The following MRPS21 variants were observed in gnomAD, a reference collection of about 807,000 sequenced individuals.
The protein encoded by MRPS21 is small ribosomal subunit protein bS21m.
In MRPS21, 8 loss-of-function variants were observed where a neutral mutation model predicts 9.9. That is an observed-to-expected ratio of 0.81 (90% CI 0.47 to 1.45). The LOEUF (loss-of-function observed/expected upper bound fraction) is 1.45. Among genes scored for constraint, MRPS21 ranks in the 40% most tolerant of loss-of-function variants. MRPS21 has a pLI of 0.00. For missense variants in MRPS21, 101 were observed against 118.9 expected, an observed-to-expected ratio of 0.85 and a Z score of 0.70; for synonymous variants, 40 against 40.3, an observed-to-expected ratio of 0.99 and a Z score of 0.03.
chr1:150,294,664 C>T (rs587682364), intron 2 of MRPS21, among the ~76,000 whole-genome samples: 16 of 151,920 alleles, frequency 1.1e-4, no homozygotes, highest in Admixed American at 8.5e-4. Flanking sequence ...TTTGGGAGGC[C>T]GAGGCGGGTG....
chr1:150,304,457 T>A (rs748832540), intron 2 of MRPS21, among the ~76,000 whole-genome samples: 66 of 152,152 alleles, frequency 4.3e-4, no homozygotes, highest in East Asian at 7.8e-4. Flanking sequence ...TGTGGTGTTC[T>A]TTGAAATAGG....
At chr1:150,296,053 T>C (rs1553856521) in intron 2 of MRPS21, among the ~76,000 whole-genome samples, 1 of 151,702 alleles carries the variant, frequency 6.6e-6, no homozygotes, top group Non-Finnish European at 1.5e-5. Flanking sequence ...CTGGGTTCAA[T>C]TGACTCTTCT....
intron 2 of MRPS21, among the ~76,000 whole-genome samples, chr1:150,306,747 G>A (rs1215752003): frequency 6.6e-6 from 1 of 152,046 alleles, no homozygotes; most frequent in Non-Finnish European, 1.5e-5. Context: ...CGCCCACCTC[G>A]GCCTCCCACA....
intron 2 of MRPS21, among the ~76,000 whole-genome samples, chr1:150,305,542 T>A (rs1460518298): frequency 6.6e-6 from 1 of 152,130 alleles, no homozygotes; most frequent in Non-Finnish European, 1.5e-5. Flanking sequence ...GTAGGATGCT[T>A]GGAGAACTGC....
chr1:150,305,134 TTTCTCCCA>T (rs1282137710), intron 2 of MRPS21: 11 of 216,176 alleles, frequency 5.1e-5, no homozygotes, highest in Middle Eastern at 4.9e-4. Context: ...GGATAAAGCA[TTTCTCCCA>T]TTCTCCCATG....
chr1:150,298,792 G>A (rs587664114), intron 2 of MRPS21, among the ~76,000 whole-genome samples: 1 of 152,150 alleles, frequency 6.6e-6, no homozygotes, highest in African/African-American at 2.4e-5. Flanking sequence ...AGTAGAGACG[G>A]GGTTTCACCA....
At chr1:150,300,117 C>T (rs1236800981) in intron 2 of MRPS21, among the ~76,000 whole-genome samples, 2 of 151,738 alleles carry the variant, frequency 1.3e-5, no homozygotes, top group South Asian at 2.1e-4. Context: ...CTGAGGGGGG[C>T]GGATCATTTG....
At chr1:150,300,877 T>C (rs1393611014) in intron 2 of MRPS21, among the ~76,000 whole-genome samples, 2 of 152,142 alleles carry the variant, frequency 1.3e-5, no homozygotes, top group African/African-American at 2.4e-5. Flanking sequence ...TATTCTTTTC[T>C]TTTTAAGAAA....
chr1:150,300,384 A>T (rs587649803), intron 2 of MRPS21, among the ~76,000 whole-genome samples: 1 of 152,172 alleles, frequency 6.6e-6, no homozygotes, highest in South Asian at 2.1e-4. Context: ...ACAGAAACCT[A>T]TGCTTTTTCA....
intron 2 of MRPS21, among the ~76,000 whole-genome samples, chr1:150,295,672 C>T (rs1478409110): frequency 6.6e-6 from 1 of 152,058 alleles, no homozygotes; most frequent in Non-Finnish European, 1.5e-5. Context: ...TGGGATGACT[C>T]ACACCTGTAA....
At chr1:150,296,954 T>C (rs1200684326) in intron 2 of MRPS21, among the ~76,000 whole-genome samples, 1 of 150,956 alleles carries the variant, frequency 6.6e-6, no homozygotes, top group Non-Finnish European at 1.5e-5. Flanking sequence ...AAGCAGAGAG[T>C]TCTAGGTGTG....
Position 150,308,333 on chromosome 1 carries a change from A to C in MRPS21, c.*105A>C. 2 of 1,196,170 alleles carry C rather than the reference A, an allele frequency of 1.7e-6. No individual in the cohort carries two copies. The highest frequency in any genetic ancestry group is 2.3e-6 in the Non-Finnish European group (2 of 873,504). The allele number at this position is 1,196,170 out of a possible 1,614,324, so 74.1% of individuals were successfully genotyped here. A position where few individuals can be genotyped will look rare whatever the true frequency, so the allele number is the denominator to read the frequency against. On this transcript the variant is annotated 3_prime_UTR_variant, in exon 3 of 3. Coordinates refer to ENST00000614145, the MANE Select transcript of MRPS21 (RefSeq NM_031901.6). The stretch of plus-strand genomic sequence containing the variant: ...TATTACCATTCTCTGCAATAAACTC[A>C]AATCACATGTCTGCAAGAAGGCCTC...
intron 2 of MRPS21, among the ~76,000 whole-genome samples, chr1:150,298,827 C>G (rs1654007770): frequency 6.6e-6 from 1 of 151,556 alleles, no homozygotes; most frequent in Non-Finnish European, 1.5e-5. Flanking sequence ...GTCTCGATCT[C>G]CTGACCTCGT....
chr1:150,294,275 G>C, intron 1 of MRPS21, 60 bp from the exon 2 acceptor site: 1 of 1,199,086 alleles, frequency 8.3e-7, no homozygotes, highest in Non-Finnish European at 1.2e-6. Context: ...GCGCGGTGTA[G>C]TTTGTATTAT....
rs1333357103 is a variant in MRPS21, at chr1:150,308,042, A to G, written c.84-6A>G. 1 of 1,574,066 alleles carries G rather than the reference A, an allele frequency of 6.4e-7. No individual in the cohort carries two copies. Among genetic ancestry groups the G allele is most frequent in the Non-Finnish European group, 8.7e-7 (1 of 1,148,272 alleles). ...ATGTCTAACCTCATTGCTTGCCTTT[A>G]TACAGAATCCTCACTATGGATGGGC... On this transcript the variant is annotated splice_polypyrimidine_tract_variant and splice_region_variant and intron_variant, in intron 2 of 2. Coordinates refer to ENST00000614145, the MANE Select transcript of MRPS21 (RefSeq NM_031901.6).
Position 150,308,394 on chromosome 1 carries a change from C to A in MRPS21, c.*166C>A. 1 of 607,348 alleles carries A rather than the reference C, an allele frequency of 1.6e-6. No individual in the cohort carries two copies. The highest frequency in any genetic ancestry group is 2.7e-6 in the Non-Finnish European group (1 of 371,172). 37.6% of individuals were successfully genotyped at this position (607,348 alleles called of 1,614,324 possible). On this transcript the variant is annotated 3_prime_UTR_variant, in exon 3 of 3. Transcript: ENST00000614145. ...AACAATCCCATTAGTCAGCAGTGGA[C>A]CCTGTCTTTTATTAAGTGAAAGAAG...
At chr1:150,295,153 G>T (rs1173559210) in intron 2 of MRPS21, among the ~76,000 whole-genome samples, 1 of 151,336 alleles carries the variant, frequency 6.6e-6, no homozygotes, top group East Asian at 2.0e-4. Flanking sequence ...CCGCCACCAC[G>T]CCCGGTTAAT....
At chr1:150,298,257 C>T (rs143924433) in intron 2 of MRPS21, among the ~76,000 whole-genome samples, 156 of 152,238 alleles carry the variant, frequency 1.0e-3, no homozygotes, top group African/African-American at 3.4e-3. Context: ...TTATAGGTAA[C>T]ATCCAGACCC....
chr1:150,304,941 A>G, intron 2 of MRPS21: 1 of 330,994 alleles, frequency 3.0e-6, no homozygotes, highest in South Asian at 2.2e-5. Context: ...TGGGAAGCTG[A>G]GGCAGGAGAA....
Sources: allele counts gnomAD v4.1 joint callset (sites outside exome capture counted in the v4.1 genomes callset), GRCh38; gene constraint gnomAD v4.1.1; transcripts MANE v1.5; gene names NCBI Gene and HGNC (gene_info 2026-07-23, HGNC 2026-07-21).